Variants in TRIM37 observed in about 807,000 individuals in gnomAD.
TRIM37 encodes the protein tripartite motif containing 37.
In TRIM37, 80 loss-of-function variants were observed where a neutral mutation model predicts 129.8. That is an observed-to-expected ratio of 0.62 (90% CI 0.51 to 0.74). The LOEUF is 0.74. TRIM37 is among the 30% of genes least tolerant of loss of function. The pLI, the probability that TRIM37 is intolerant of heterozygous loss-of-function variation, is 0.00. For missense variants in TRIM37, 1,054 were observed against 1,176.5 expected, an observed-to-expected ratio of 0.90 and a Z score of 1.52; for synonymous variants, 389 against 387.1, an observed-to-expected ratio of 1.00 and a Z score of -0.06.
intron 24 of TRIM37, among the ~76,000 whole-genome samples, chr17:58,986,133 T>TACTG (rs2031781409): frequency 6.6e-6 from 1 of 152,176 alleles, no homozygotes; most frequent in East Asian, 1.9e-4. Context: ...CAACTGTCTG[T>TACTG]ACTGACAAGC....
At position 59,047,026 on chromosome 17, in the gene TRIM37, C is replaced by T. The variant is rs368246805; in HGVS notation, c.1667+657G>A. ...AAAATTAGCTGGGCGAGGTGGCGGGCGCCTGTAGTTCTAGCTGCTCGGGAG... is the reference window on the plus strand; with the variant it reads ...AAAATTAGCTGGGCGAGGTGGCGGGTGCCTGTAGTTCTAGCTGCTCGGGAG... On this transcript the variant is annotated intron_variant, in intron 16 of 23. Coordinates refer to ENST00000262294, the MANE Select transcript of TRIM37 (RefSeq NM_015294.6). Among the ~76,000 whole-genome samples, 28 of 151,616 alleles carry T rather than the reference C, an allele frequency of 1.8e-4. No individual in the cohort carries two copies. The South Asian group carries it at 5.4e-3, about 29-fold the overall frequency.
downstream of TRIM37, chr17:58,980,458 A>C (rs769515069): frequency 6.2e-7 from 1 of 1,614,198 alleles, no homozygotes; most frequent in Non-Finnish European, 8.5e-7. This position sits in a 1 kb window ranked among gnomAD's most constrained non-coding sequence, Gnocchi z 4.7. Flanking sequence ...ACGTGCTGGA[A>C]GACCCAGGCT....
rs79921488 is a variant in TRIM37 at position 59,066,810 on chromosome 17, T to C, written c.810-2405A>G. The stretch of plus-strand genomic sequence containing the variant: ...TCACCAGTTACCACATTAATTTTAT[T>C]ACTGTTCCAATAACCTGTTTTTCTA... On this transcript the variant is annotated intron_variant, in intron 9 of 23. Transcript: ENST00000262294. 8.5e-5 allele frequency among the ~76,000 whole-genome samples: 13 copies of C among 152,338 alleles called. No homozygotes were observed. In the East Asian group the frequency reaches 2.3e-3, roughly 27 times the overall value.
intron 12 of TRIM37, among the ~76,000 whole-genome samples, 164 bp from the exon 13 acceptor site, chr17:59,057,218 T>C (rs925403048): frequency 2.6e-5 from 4 of 152,118 alleles, no homozygotes; most frequent in African/African-American, 7.2e-5. Context: ...TATTTTGGGG[T>C]TTTTTTATTT....
rs751940101 is a variant in TRIM37, at chr17:59,088,295, C to T, written c.277G>A (p.Asp93Asn). 5.0e-6 allele frequency: 8 copies of T among 1,602,244 alleles called. No homozygotes were observed. The highest frequency in any genetic ancestry group is 6.8e-6 in the Non-Finnish European group (8 of 1,169,850). The change falls in exon 4 of 24, where the codon GAC (aspartate) becomes AAC (asparagine). Residue 93 changes from aspartate (D) to asparagine (N), a missense_variant. Around this residue, in one of 3 missense-constraint regions of TRIM37, gnomAD observed 752 missense variants for 870.8 expected, o/e 0.86. Coordinates refer to ENST00000262294, the MANE Select transcript of TRIM37 (RefSeq NM_015294.6). ...SLTKHEENEK[D>N]KCENHHEKLS... ...ACAAAGAAATTGAGGACATACTTGT[C>T]CTTTTCATTTTCTTCATGTTTGGTG...
intron 9 of TRIM37, 95 bp from the exon 10 acceptor site, chr17:59,064,500 T>G (rs2146580938): frequency 1.3e-6 from 1 of 775,244 alleles, no homozygotes; most frequent in South Asian, 1.7e-5. Flanking sequence ...TCTTAAAAAC[T>G]TTATTAAACT....
chr17:58,973,472 A>G, the TRIM37 span, among the ~76,000 whole-genome samples: 1 of 151,594 alleles, frequency 6.6e-6, no homozygotes, highest in East Asian at 1.9e-4. Context: ...GTTTCTATAC[A>G]TTTAAAATTT....
chr17:59,095,543 G>T (rs937962043), intron 2 of TRIM37, among the ~76,000 whole-genome samples: 7 of 152,100 alleles, frequency 4.6e-5, no homozygotes, highest in Admixed American at 4.6e-4. Context: ...GCAGTAAATA[G>T]GAAATTTGTT....
intron 16 of TRIM37, among the ~76,000 whole-genome samples, chr17:59,046,840 G>A (rs1407049844): frequency 1.4e-5 from 2 of 146,660 alleles, no homozygotes; most frequent in African/African-American, 2.5e-5. Flanking sequence ...GTGCCCAGCC[G>A]AAAAACAAAT....
chr17:58,993,209 C>G (rs1169864632), downstream of TRIM37, among the ~76,000 whole-genome samples: 1 of 152,192 alleles, frequency 6.6e-6, no homozygotes, highest in Admixed American at 6.5e-5. Flanking sequence ...TGAGGCCTCC[C>G]CAGCCACGTG....
Position 59,012,227 on chromosome 17 carries a change from G to GCAGCAGCAGCAGCAGCAC in TRIM37, c.2695+100_2695+101insGTGCTGCTGCTGCTGCTG, listed in dbSNP as rs72443487. 0.42 allele frequency: 250,241 copies of GCAGCAGCAGCAGCAGCAC among 601,312 alleles called. 27,411 individuals are homozygous for GCAGCAGCAGCAGCAGCAC. The highest frequency in any genetic ancestry group is 0.51 in the Admixed American group (20,624 of 40,510). 37.2% of individuals were successfully genotyped at this position (601,312 alleles called of 1,614,324 possible). ...CCTATCACTACCACCAGCAGCAGCA[G>GCAGCAGCAGCAGCAGCAC]CACCACCACCACCACCACCACCACC... On this transcript the variant is annotated intron_variant, in intron 22 of 23. Transcript: ENST00000262294.
In TRIM37 at chr17:59,037,101, C is replaced by A. The variant is rs1276058968; in HGVS notation, c.1753+4712G>T. On this transcript the variant is annotated intron_variant, in intron 17 of 23. Coordinates refer to ENST00000262294, the MANE Select transcript of TRIM37 (RefSeq NM_015294.6). ...TTGCACTCCAGCCTGGGCAATACAG[C>A]AAGGCTCCATCTCAAAAAACAAAAC... Among the ~76,000 whole-genome samples the A allele has an allele frequency of 2.2e-4, 33 of 151,964 alleles. No homozygotes were observed. In the East Asian group the frequency reaches 5.6e-3, roughly 26 times the overall value.
At position 59,012,339 on chromosome 17, in the gene TRIM37, G is replaced by A; in HGVS notation, c.2684C>T (p.Ala895Val). 6.2e-7 allele frequency: 1 copy of A among 1,608,138 alleles called. No homozygotes were observed. The highest frequency in any genetic ancestry group is 1.1e-5 in the South Asian group (1 of 90,976). Residue 895 changes from alanine (A) to valine (V), a missense_variant, in exon 22 of 24, where the codon GCC becomes GTC. Coordinates refer to ENST00000262294, the MANE Select transcript of TRIM37 (RefSeq NM_015294.6). Reference protein sequence around the residue: ...QPVLPEGASAAPEEGMSSDSD... With the variant: ...QPVLPEGASAVPEEGMSSDSD... Reference sequence around the variant, plus strand: ...TTATCATTCCTTACCTTCTTCAGGGGCAGCTGAAGCTCCTTCAGGTAGTAC... The same window carrying A: ...TTATCATTCCTTACCTTCTTCAGGGACAGCTGAAGCTCCTTCAGGTAGTAC...
chr17:59,041,945 CGTT>C (rs751358359), intron 16 of TRIM37, 47 bp from the exon 17 acceptor site: 53 of 1,421,558 alleles, frequency 3.7e-5, no homozygotes, highest in Middle Eastern at 1.8e-4. Context: ...ATACAATAAA[CGTT>C]GTTTTTCACA....
intron 18 of TRIM37, 104 bp from the exon 19 acceptor site, chr17:59,028,827 C>CTTTA (rs2037515177): frequency 8.5e-7 from 1 of 1,183,340 alleles, no homozygotes. Context: ...AGCTAGCGTG[C>CTTTA]TTTACGTGGT....
intron 16 of TRIM37, among the ~76,000 whole-genome samples, chr17:59,045,185 C>T (rs1041881661): frequency 2.6e-5 from 4 of 151,938 alleles, no homozygotes; most frequent in African/African-American, 2.4e-5. Context: ...CAAAATTAGC[C>T]GGGCAAGGTG....
chr17:59,033,447 T>C (rs2038105905), intron 17 of TRIM37, among the ~76,000 whole-genome samples: 1 of 152,160 alleles, frequency 6.6e-6, no homozygotes, highest in African/African-American at 2.4e-5. Context: ...TTCTTTGTTG[T>C]GTTTTGAGAC....
chr17:58,999,093 C>A lies in TRIM37; in HGVS notation c.*284G>T. 4.0e-6 allele frequency: 5 copies of A among 1,238,248 alleles called. No individual in the cohort carries two copies. Among genetic ancestry groups the A allele is most frequent in the Non-Finnish European group, 5.1e-6 (5 of 981,528 alleles). 76.7% of individuals were successfully genotyped at this position (1,238,248 alleles called of 1,614,324 possible). ...TTAACCAGCCTTCTGCTGTAGTAGA[C>A]AAACTGCCTTTTGTGAATGTACAAA... On this transcript the variant is annotated 3_prime_UTR_variant, in exon 24 of 24. Transcript: ENST00000262294.
intron 24 of TRIM37, among the ~76,000 whole-genome samples, chr17:58,986,737 G>A (rs991845219): frequency 6.6e-6 from 1 of 152,142 alleles, no homozygotes; most frequent in African/African-American, 2.4e-5. Flanking sequence ...TTGAACACCT[G>A]ACCTCAAGTG....
Sources: gnomAD v4.1 joint callset for allele counts (sites outside exome capture counted in the v4.1 genomes callset) on GRCh38, gnomAD v4.1.1 for gene constraint, gnomAD v4.1.1 regional missense constraint, Gnocchi (gnomAD v3.1) non-coding constraint, MANE v1.5 for transcripts, NCBI Gene and HGNC (gene_info 2026-07-23, HGNC 2026-07-21) for gene names.